Variants in LRTM1 observed in about 807,000 individuals in gnomAD.
LRTM1 encodes the protein leucine rich repeat transmembrane protein 1, also known as leucine-rich repeat and transmembrane domain-containing protein 1.
In LRTM1, 38 loss-of-function variants were observed where a neutral mutation model predicts 32.4. The observed-to-expected ratio is 1.17, with a 90% CI of 0.91 to 1.54. The LOEUF is 1.54. Among genes scored for constraint, LRTM1 ranks in the 40% most tolerant of loss-of-function variants. The pLI is 0.00. For missense variants in LRTM1, 466 were observed against 415.4 expected, an observed-to-expected ratio of 1.12 and a Z score of -1.06; for synonymous variants, 186 against 169.9, an observed-to-expected ratio of 1.09 and a Z score of -0.74.
At position 54,918,445 on chromosome 3, in the gene LRTM1, T is replaced by C. The variant is rs1700727071; in HGVS notation, c.*14A>G. The C allele has an allele frequency of 3.7e-6, 6 of 1,608,228 alleles. No homozygotes were observed. Among genetic ancestry groups the C allele is most frequent in the Non-Finnish European group, 8.5e-7 (1 of 1,176,862 alleles). ...CTGGCCTGCAATGACCAATCCTATT[T>C]GAGACAAAAGCTCTCAGGCTGGTGA... On this transcript the variant is annotated 3_prime_UTR_variant, in exon 3 of 3. Transcript: ENST00000273286.
chr3:54,966,395 A>T (rs978038877), intron 1 of LRTM1, among the ~76,000 whole-genome samples: 1 of 152,208 alleles, frequency 6.6e-6, no homozygotes, highest in Non-Finnish European at 1.5e-5. Context: ...ATGTTCTCCA[A>T]TGCTGGGAAG....
chr3:54,930,677 A>T (rs566247127), upstream of LRTM1, among the ~76,000 whole-genome samples: 1 of 152,338 alleles, frequency 6.6e-6, no homozygotes, highest in Admixed American at 6.5e-5. Context: ...TCCTGGGAAA[A>T]TCCCAGGCTC....
At chr3:54,928,623 A>G (rs146770246), upstream of LRTM1, among the ~76,000 whole-genome samples, 1 of 152,234 alleles carries the variant, frequency 6.6e-6, no homozygotes, top group East Asian at 1.9e-4. Flanking sequence ...GGTTTCCTTT[A>G]GTGGACATCA....
intron 1 of LRTM1, among the ~76,000 whole-genome samples, chr3:54,941,554 C>T (rs942091822): frequency 3.3e-5 from 5 of 152,218 alleles, no homozygotes; most frequent in South Asian, 2.1e-4. Flanking sequence ...AAAATCTTAA[C>T]GACATTTGGG....
chr3:54,964,996 C>G (rs936034686), intron 1 of LRTM1, among the ~76,000 whole-genome samples: 6 of 152,082 alleles, frequency 3.9e-5, no homozygotes, highest in African/African-American at 1.4e-4. Flanking sequence ...AAAATATAAA[C>G]CTGATCCTGC....
chr3:54,918,343 T>TTTTC lies in LRTM1; in HGVS notation c.*115_*116insGAAA. The TTTTC allele has an allele frequency of 5.2e-6, 2 of 381,202 alleles. 1 individual carries two copies. Among genetic ancestry groups the TTTTC allele is most frequent in the Admixed American group, 9.0e-5 (2 of 22,208 alleles). The allele number at this position is 381,202 out of a possible 1,614,324, so 23.6% of individuals were successfully genotyped here. On this transcript the variant is annotated 3_prime_UTR_variant, in exon 3 of 3. Coordinates refer to ENST00000273286, the MANE Select transcript of LRTM1 (RefSeq NM_020678.4). Reference sequence around the variant, plus strand: ...CATCTTTTTTTTTTCTTTTTTTTTTTTTTTTTTTTTTTGTCTTTTGGCAAA... The same window carrying TTTTC: ...CATCTTTTTTTTTTCTTTTTTTTTTTTTTCTTTTTTTTTTTTGTCTTTTGGCAAA...
chr3:54,965,859 G>A (rs1304435219), intron 1 of LRTM1, among the ~76,000 whole-genome samples: 1 of 152,112 alleles, frequency 6.6e-6, no homozygotes, highest in African/African-American at 2.4e-5. Flanking sequence ...AGGGGTGTGA[G>A]TGAGGAGAGA....
At chr3:54,946,587 C>T (rs1356355904) in intron 1 of LRTM1, among the ~76,000 whole-genome samples, 1 of 152,172 alleles carries the variant, frequency 6.6e-6, no homozygotes, top group Non-Finnish European at 1.5e-5. Context: ...GAGCAGGTTA[C>T]TTTCACCAAG....
intron 1 of LRTM1, among the ~76,000 whole-genome samples, chr3:54,954,290 G>A (rs1701827641): frequency 6.6e-6 from 1 of 152,186 alleles, no homozygotes; most frequent in Non-Finnish European, 1.5e-5. Flanking sequence ...AAGAGCCTGC[G>A]GGAGCACGAA....
intron 1 of LRTM1, among the ~76,000 whole-genome samples, chr3:54,965,447 C>G (rs1702126439): frequency 6.6e-6 from 1 of 152,176 alleles, no homozygotes; most frequent in South Asian, 2.1e-4. Context: ...AGTGGGCTCT[C>G]CATGCCTCAC....
At chr3:54,953,583 C>T (rs1701810925) in intron 1 of LRTM1, among the ~76,000 whole-genome samples, 1 of 152,220 alleles carries the variant, frequency 6.6e-6, no homozygotes. Flanking sequence ...AAAGCCACTT[C>T]TTGCAATACT....
chr3:54,952,709 C>A (rs1021436803), intron 1 of LRTM1, among the ~76,000 whole-genome samples: 1 of 152,178 alleles, frequency 6.6e-6, no homozygotes, highest in African/African-American at 2.4e-5. Context: ...GCATAGTTCC[C>A]TCCAGCTTCC....
chr3:54,959,351 G>A (rs2107041327), intron 1 of LRTM1, among the ~76,000 whole-genome samples: 1 of 152,330 alleles, frequency 6.6e-6, no homozygotes, highest in Non-Finnish European at 1.5e-5. Context: ...GCTTGGGCAA[G>A]TTCTTTGCCA....
At chr3:54,955,341 A>G (rs150891905) in intron 1 of LRTM1, among the ~76,000 whole-genome samples, 9 of 152,246 alleles carry the variant, frequency 5.9e-5, no homozygotes, top group African/African-American at 2.2e-4. Flanking sequence ...AGAACAGATG[A>G]AAAGTCTGTC....
chr3:54,924,711 C>G lies in LRTM1; in HGVS notation c.512G>C (p.Ser171Thr). Residue 171 changes from serine (S) to threonine (T), a missense_variant, in exon 2 of 3, where the codon AGT (serine) becomes ACT (threonine). Ser to Thr is a moderately conservative substitution (Grantham distance 58). Transcript: ENST00000273286. ...LDRALLESMP[S>T]VRLLLLKDNL... Reference sequence around the variant, plus strand: ...GTCCTTGAGAAGTAAAAGCCTCACACTGGGCATGGATTCCAGGAGCGCTCG... The same window carrying G: ...GTCCTTGAGAAGTAAAAGCCTCACAGTGGGCATGGATTCCAGGAGCGCTCG... 1 of 1,614,156 alleles carries G rather than the reference C, an allele frequency of 6.2e-7. No homozygotes were observed. Among genetic ancestry groups the G allele is most frequent in the Non-Finnish European group, 8.5e-7 (1 of 1,180,032 alleles).
rs112501595 is a variant in LRTM1, at chr3:54,960,231, C to T, written c.-222+6697G>A. Reference sequence around the variant, plus strand: ...CCTCAGCAAAGAAAATCTTCTGCTGCGGCCTTGTCAATGGTGTGATAATGT... The same window carrying T: ...CCTCAGCAAAGAAAATCTTCTGCTGTGGCCTTGTCAATGGTGTGATAATGT... On this transcript the variant is annotated intron_variant, in intron 1 of 2. Transcript: ENST00000493075. Among the ~76,000 whole-genome samples the T allele has an allele frequency of 6.6e-5, 10 of 152,262 alleles. 1 individual carries two copies. Among genetic ancestry groups the T allele is most frequent in the African/African-American group, 2.2e-4 (9 of 41,552 alleles).
chr3:54,926,212 T>C (rs1701012690), intron 1 of LRTM1, among the ~76,000 whole-genome samples: 1 of 152,188 alleles, frequency 6.6e-6, no homozygotes, highest in Non-Finnish European at 1.5e-5. Context: ...ATAGCATGCA[T>C]TTTGAGCCAC....
intron 2 of LRTM1, among the ~76,000 whole-genome samples, chr3:54,919,135 G>A (rs1373603625): frequency 6.6e-6 from 1 of 152,120 alleles, no homozygotes; most frequent in Non-Finnish European, 1.5e-5. Context: ...TAGAAGCCCA[G>A]TAACCTTCAT....
At chr3:54,919,144 A>G (rs1031150130) in intron 2 of LRTM1, among the ~76,000 whole-genome samples, 1 of 152,182 alleles carries the variant, frequency 6.6e-6, no homozygotes, top group Admixed American at 6.5e-5. Flanking sequence ...AGTAACCTTC[A>G]TGTTCTCTAA....
Sources: allele counts gnomAD v4.1 joint callset (sites outside exome capture counted in the v4.1 genomes callset), GRCh38; gene constraint gnomAD v4.1.1; transcripts MANE v1.5; gene names NCBI Gene and HGNC (gene_info 2026-07-23, HGNC 2026-07-21).